Variants in FAM13A observed in about 807,000 individuals in gnomAD.
FAM13A encodes protein FAM13A.
FAM13A carries 76 observed loss-of-function variants against 129.6 expected under a neutral mutation model. The observed-to-expected ratio is 0.59, with a 90% CI of 0.49 to 0.71. The LOEUF is 0.71. FAM13A is among the 30% of genes least tolerant of loss of function. The probability of loss-of-function intolerance (pLI) is 0.00; values close to 1 mark genes in which losing one functional copy is unlikely to be tolerated. For synonymous variants in FAM13A, 443 were observed against 449.9 expected, an observed-to-expected ratio of 0.98 and a Z score of 0.20; for missense variants, 1,108 against 1,249.3, an observed-to-expected ratio of 0.89 and a Z score of 1.70.
intron 5 of FAM13A, among the ~76,000 whole-genome samples, chr4:88,914,434 G>A (rs1749748943): frequency 6.6e-6 from 1 of 152,024 alleles, no homozygotes; most frequent in South Asian, 2.1e-4. Context: ...TCCTCGTTAT[G>A]CCCCAGCCAC....
chr4:89,026,117 A>G (rs1442584717), intron 2 of FAM13A, among the ~76,000 whole-genome samples: 1 of 152,246 alleles, frequency 6.6e-6, no homozygotes, highest in Non-Finnish European at 1.5e-5. Context: ...TTGGACATCT[A>G]AATGAACCAT....
chr4:89,015,536 G>A (rs184066342), intron 3 of FAM13A, among the ~76,000 whole-genome samples: 25 of 152,286 alleles, frequency 1.6e-4, no homozygotes, highest in Admixed American at 6.5e-4. Context: ...TATCGGGGGC[G>A]GGTTACCCCG....
chr4:88,795,362 T>G (rs1725949006), intron 8 of FAM13A, among the ~76,000 whole-genome samples: 1 of 151,846 alleles, frequency 6.6e-6, no homozygotes, highest in South Asian at 2.1e-4. Context: ...TTAAATTTAT[T>G]CTAACAAATC....
chr4:88,939,228 G>A (rs558034054), intron 4 of FAM13A, among the ~76,000 whole-genome samples: 1 of 151,966 alleles, frequency 6.6e-6, no homozygotes, highest in African/African-American at 2.4e-5. Context: ...AAAGCTCTAG[G>A]GGAGAAGCTG....
intron 7 of FAM13A, among the ~76,000 whole-genome samples, chr4:88,839,314 T>G (rs1046577788): frequency 6.6e-6 from 1 of 152,188 alleles, no homozygotes. Context: ...ATTCCAGATT[T>G]ATAAAAATAA....
intron 6 of FAM13A, among the ~76,000 whole-genome samples, chr4:88,905,240 T>A (rs1747959576): frequency 6.6e-6 from 1 of 152,084 alleles, no homozygotes; most frequent in South Asian, 2.1e-4. Flanking sequence ...CAAGCAATTC[T>A]TTCTGCCTCA....
chr4:88,875,207 A>C (rs954595417), intron 6 of FAM13A, among the ~76,000 whole-genome samples: 13 of 152,224 alleles, frequency 8.5e-5, no homozygotes, highest in African/African-American at 3.1e-4. Context: ...AACCTAGGCA[A>C]TACCATTCAG....
At chr4:88,972,299 C>CTTTTT (rs57674045) in intron 4 of FAM13A, among the ~76,000 whole-genome samples, 5 of 137,620 alleles carry the variant, frequency 3.6e-5, no homozygotes, top group African/African-American at 2.7e-5. Context: ...TTCTCCTTCA[C>CTTTTT]TTTTTTTTTT....
At chr4:88,757,596 C>T (rs909212212) in intron 14 of FAM13A, among the ~76,000 whole-genome samples, 2 of 152,150 alleles carry the variant, frequency 1.3e-5, no homozygotes, top group South Asian at 2.1e-4. Flanking sequence ...TCAGTGAATA[C>T]ATTTTGAGCT....
At position 88,787,919 on chromosome 4, in the gene FAM13A, T is replaced by A. The variant is rs1560994668; in HGVS notation, c.1105A>T (p.Thr369Ser). ...VSATGELLER[T>S]IRSAVEQHLF... Reference sequence around the variant, plus strand: ...TGTTGTTCTACAGCTGATCGGATGGTTCTTTCTAAGAGTCTGGCAAAAAAG... The same window carrying A: ...TGTTGTTCTACAGCTGATCGGATGGATCTTTCTAAGAGTCTGGCAAAAAAG... Residue 369 changes from threonine (T) to serine (S), a missense_variant, in exon 10 of 24, where the codon ACC becomes TCC. By Grantham distance (58) the Thr-to-Ser change is moderately conservative. This residue lies in a region of FAM13A where 566 missense variants were observed against 595.7 expected (regional missense o/e 0.95). Coordinates refer to ENST00000264344, the MANE Select transcript of FAM13A (RefSeq NM_014883.4). 2 of 1,612,942 alleles carry A rather than the reference T, an allele frequency of 1.2e-6. No individual in the cohort carries two copies. Among genetic ancestry groups the A allele is most frequent in the East Asian group, 4.5e-5 (2 of 44,820 alleles).
intron 11 of FAM13A, 39 bp from the exon 12 acceptor site, chr4:88,768,098 T>G: frequency 8.3e-7 from 1 of 1,211,876 alleles, no homozygotes; most frequent in Non-Finnish European, 1.2e-6. Context: ...ATAGGAATGG[T>G]AAGAAATATG....
chr4:88,826,635 C>A (rs961280685), intron 7 of FAM13A, among the ~76,000 whole-genome samples: 1 of 152,126 alleles, frequency 6.6e-6, no homozygotes, highest in Non-Finnish European at 1.5e-5. Flanking sequence ...ATTATTTCAC[C>A]TGCCAATTGA....
At chr4:88,738,104 T>C (rs1739391297) in intron 20 of FAM13A, among the ~76,000 whole-genome samples, 1 of 152,222 alleles carries the variant, frequency 6.6e-6, no homozygotes, top group South Asian at 2.1e-4. Context: ...GCCTGAGATC[T>C]CTGGACCCTC....
intron 7 of FAM13A, among the ~76,000 whole-genome samples, chr4:88,841,371 G>A (rs1405333003): frequency 2.0e-5 from 3 of 151,980 alleles, no homozygotes; most frequent in East Asian, 1.9e-4. Context: ...GCATGCGCCT[G>A]TAATCCCAGC....
At chr4:89,020,844 C>T (rs1767165317) in intron 2 of FAM13A, among the ~76,000 whole-genome samples, 175 bp from the exon 3 acceptor site, 1 of 152,126 alleles carries the variant, frequency 6.6e-6, no homozygotes, top group Non-Finnish European at 1.5e-5. Flanking sequence ...AATAAATGTT[C>T]ATATCCACTG....
At chr4:88,891,092 T>A (rs1213144484) in intron 6 of FAM13A, among the ~76,000 whole-genome samples, 1 of 152,158 alleles carries the variant, frequency 6.6e-6, no homozygotes, top group Non-Finnish European at 1.5e-5. Flanking sequence ...TTAAAGCAAT[T>A]GATAGTCCCA....
At chr4:88,944,870 T>G (rs1248623583) in intron 4 of FAM13A, among the ~76,000 whole-genome samples, 2 of 150,074 alleles carry the variant, frequency 1.3e-5, no homozygotes, top group Admixed American at 1.3e-4. Flanking sequence ...GCCACTGCAC[T>G]CCAGCCTCGG....
chr4:88,813,751 G>T lies in FAM13A; in HGVS notation c.1008-8699C>A, dbSNP rs1362180403. Among the ~76,000 whole-genome samples, 2 of 152,212 alleles carry T rather than the reference G, an allele frequency of 1.3e-5. 1 individual carries two copies. The highest frequency in any genetic ancestry group is 1.3e-4 in the Admixed American group (2 of 15,282). ...AGGAGGACTGTGCACAGAAAAATGGGTCAAGGCTTGTTTCTGACATCATCT... is the reference window on the plus strand; with the variant it reads ...AGGAGGACTGTGCACAGAAAAATGGTTCAAGGCTTGTTTCTGACATCATCT... On this transcript the variant is annotated intron_variant, in intron 7 of 23. Transcript: ENST00000264344.
At chr4:88,972,007 T>A (rs1390449098) in intron 4 of FAM13A, among the ~76,000 whole-genome samples, 1 of 152,220 alleles carries the variant, frequency 6.6e-6, no homozygotes, top group Non-Finnish European at 1.5e-5. Context: ...ATCATTTGTG[T>A]CATTCATGTC....
Sources: allele counts gnomAD v4.1 joint callset (sites outside exome capture counted in the v4.1 genomes callset), GRCh38; gene constraint gnomAD v4.1.1; regional missense constraint gnomAD v4.1.1; transcripts MANE v1.5; gene names NCBI Gene and HGNC (gene_info 2026-07-23, HGNC 2026-07-21).